The following CAST variants were observed in gnomAD, a reference collection of about 807,000 sequenced individuals.
CAST encodes the protein MIR583 host.
A neutral mutation model predicts 119.6 loss-of-function variants in CAST; 76 were observed. The ratio of observed to expected loss-of-function variants is 0.64; its 90% CI spans 0.53 to 0.77. CAST has a LOEUF of 0.77. CAST is among the 30% of genes least tolerant of loss of function. The pLI is 0.00. For missense variants in CAST, 953 were observed against 946.5 expected (o/e 1.01, Z -0.09); for synonymous variants, 319 against 331.6 (o/e 0.96, Z 0.41).
chr5:96,130,718 A>G, the CAST span, among the ~76,000 whole-genome samples: 2 of 152,198 alleles, frequency 1.3e-5, no homozygotes, highest in East Asian at 3.9e-4. Flanking sequence ...AAAGAGAGGG[A>G]AAGGCTATTT....
chr5:96,655,595 C>G (rs903032677), intron 1 of CAST, among the ~76,000 whole-genome samples: 1 of 152,184 alleles, frequency 6.6e-6, no homozygotes, highest in African/African-American at 2.4e-5. Flanking sequence ...GATGTCTGAG[C>G]TCAAATAAGG....
At chr5:96,416,985 C>T in the CAST span, among the ~76,000 whole-genome samples, 3 of 152,228 alleles carry the variant, frequency 2.0e-5, no homozygotes, top group East Asian at 3.9e-4. Flanking sequence ...TCATTTATTT[C>T]GTGATTTTAT....
the CAST span, among the ~76,000 whole-genome samples, chr5:96,484,388 C>A: frequency 6.6e-6 from 1 of 152,172 alleles, no homozygotes; most frequent in Non-Finnish European, 1.5e-5. Context: ...AAACACTATA[C>A]TTTGCCCTTC....
chr5:96,743,498 G>T, intron 16 of CAST: 1 of 1,328,312 alleles, frequency 7.5e-7, no homozygotes, highest in Non-Finnish European at 1.0e-6. Context: ...CTCAGGCTGG[G>T]GGTGCTGGCA....
At position 96,654,605 on chromosome 5, in the gene CAST, A is replaced by G. The variant is rs114189501; in HGVS notation, c.61-20934A>G. ...TATAACACAAATATCTTCTAGACAT[A>G]CACAGCATAAGCTTTTACTTGACTA... On this transcript the variant is annotated intron_variant, in intron 1 of 11. Transcript: ENST00000505143. Among the ~76,000 whole-genome samples, 1,287 of 152,330 alleles carry G rather than the reference A, an allele frequency of 8.4e-3. 17 individuals are homozygous for G. The highest frequency in any genetic ancestry group is 0.029 in the African/African-American group (1,226 of 41,564).
At chr5:96,570,649 C>T (rs1468453720) in intron 1 of CAST, among the ~76,000 whole-genome samples, 1 of 152,138 alleles carries the variant, frequency 6.6e-6, no homozygotes, top group Non-Finnish European at 1.5e-5. Flanking sequence ...GTAGAGTGTG[C>T]CCTATAGCGA....
the CAST span, among the ~76,000 whole-genome samples, chr5:96,361,446 C>A: frequency 3.3e-5 from 5 of 152,316 alleles, no homozygotes; most frequent in Admixed American, 3.3e-4. Flanking sequence ...GCTTGAAACC[C>A]AGGGACCTGG....
At chr5:96,227,454 C>G in the CAST span, among the ~76,000 whole-genome samples, 3 of 152,124 alleles carry the variant, frequency 2.0e-5, no homozygotes, top group Non-Finnish European at 4.4e-5. Flanking sequence ...GGCAAAACCT[C>G]AAAAATAGGT....
intron 1 of CAST, chr5:96,663,271 G>A (rs1286897581): frequency 1.0e-5 from 7 of 700,380 alleles, no homozygotes; most frequent in South Asian, 1.5e-5. Flanking sequence ...GTTGTCCGGG[G>A]TTTGGCGGGG....
chr5:96,753,235 A>G (rs1162767381), intron 20 of CAST, among the ~76,000 whole-genome samples: 1 of 152,044 alleles, frequency 6.6e-6, no homozygotes. Context: ...AGCTCAAACA[A>G]TCTTCCTGCC....
chr5:96,568,607 T>C (rs1341158999), intron 1 of CAST, among the ~76,000 whole-genome samples: 2 of 150,842 alleles, frequency 1.3e-5, no homozygotes, highest in Non-Finnish European at 3.0e-5. Flanking sequence ...GGGCAGTTGG[T>C]TTATATCTTT....
At chr5:96,532,503 C>A (rs564364392) in intron 1 of CAST, among the ~76,000 whole-genome samples, 87 of 152,244 alleles carry the variant, frequency 5.7e-4, no homozygotes, top group African/African-American at 1.8e-3. Context: ...TCACTTGAGC[C>A]TAGGAGTTTG....
the CAST span, among the ~76,000 whole-genome samples, chr5:96,510,145 C>T: frequency 2.0e-5 from 3 of 152,136 alleles, no homozygotes; most frequent in Non-Finnish European, 2.9e-5. Flanking sequence ...AATTAGTCTT[C>T]TGGGAAGTCC....
intron 29 of CAST, chr5:96,768,276 G>C: frequency 2.4e-6 from 1 of 424,252 alleles, no homozygotes; most frequent in Middle Eastern, 3.6e-4. Context: ...GTAGAGAGGG[G>C]GTTTCGCCAT....
At chr5:96,373,198 C>T in the CAST span, among the ~76,000 whole-genome samples, 1 of 152,144 alleles carries the variant, frequency 6.6e-6, no homozygotes, top group African/African-American at 2.4e-5. Flanking sequence ...ACAAAGAGAA[C>T]TGGATGACAG....
At chr5:96,161,003 G>C in the CAST span, among the ~76,000 whole-genome samples, 1 of 152,062 alleles carries the variant, frequency 6.6e-6, no homozygotes, top group Non-Finnish European at 1.5e-5. Context: ...TATATTCTGG[G>C]TATAAGTCCC....
intron 1 of CAST, among the ~76,000 whole-genome samples, chr5:96,568,600 C>A (rs115657554): frequency 0.012 from 1,835 of 147,008 alleles, 57 homozygotes; most frequent in African/African-American, 0.044. Context: ...AAGATAAGGG[C>A]AGTTGGTTTA....
chr5:96,758,723 TCTGTACCC>T (rs1162655387), intron 24 of CAST, among the ~76,000 whole-genome samples: 4 of 152,224 alleles, frequency 2.6e-5, no homozygotes, highest in African/African-American at 9.6e-5. Flanking sequence ...CATGTTATTC[TCTGTACCC>T]CTGTAAAAGC....
chr5:95,969,208 G>A, the CAST span, among the ~76,000 whole-genome samples: 1 of 152,180 alleles, frequency 6.6e-6, no homozygotes, highest in Non-Finnish European at 1.5e-5. Context: ...TGTGAGGAGA[G>A]CTTTTAGTAT....
Sources: allele counts gnomAD v4.1 joint callset (sites outside exome capture counted in the v4.1 genomes callset), GRCh38; gene constraint gnomAD v4.1.1; transcripts MANE v1.5; gene names NCBI Gene and HGNC (gene_info 2026-07-23, HGNC 2026-07-21).